ZC3H7B: variants seen among roughly 807,000 people sequenced by gnomAD.
ZC3H7B encodes the protein zinc finger CCCH domain-containing protein 7B.
Under a neutral mutation model 116.0 loss-of-function variants are expected in ZC3H7B, and 35 were observed. The ratio of observed to expected loss-of-function variants is 0.30; its 90% CI spans 0.23 to 0.40. ZC3H7B has a LOEUF of 0.40. Among genes scored for constraint, ZC3H7B ranks in the 10% least tolerant of loss-of-function variants. The pLI is 1.00. For missense variants in ZC3H7B, 1,011 were observed against 1,321.5 expected (o/e 0.77, Z 3.64); for synonymous variants, 502 against 545.6 (o/e 0.92, Z 1.11).
Position 41,356,447 on chromosome 22 carries a change from C to T in ZC3H7B, c.2488C>T (p.Gln830Ter), listed in dbSNP as rs1454344011. 2 of 1,614,044 alleles carry T rather than the reference C, an allele frequency of 1.2e-6. No individual in the cohort carries two copies. The highest frequency in any genetic ancestry group is 1.7e-6 in the Non-Finnish European group (2 of 1,180,054). ...ISSREGEKQI[Q>*]MPTDYADIMM... ...TTCTCGGGAAGGGGAGAAGCAGATCCAGATGCCCACGGACTACGCGGACAT... is the reference window on the plus strand; with the variant it reads ...TTCTCGGGAAGGGGAGAAGCAGATCTAGATGCCCACGGACTACGCGGACAT... The change falls in exon 21 of 23, where the codon CAG becomes TAG. Residue 830 changes from glutamine (Q) to a stop codon, truncating the protein, a stop_gained. Coordinates refer to ENST00000352645, the MANE Select transcript of ZC3H7B (RefSeq NM_017590.6). LOFTEE classifies it high-confidence loss of function.
intron 18 of ZC3H7B, 54 bp from the exon 19 acceptor site, chr22:41,355,703 A>G (rs1401974035): frequency 6.2e-7 from 1 of 1,612,300 alleles, no homozygotes; most frequent in Non-Finnish European, 8.5e-7. Context: ...CACAGAGGTC[A>G]CACAGCACAC....
At position 41,357,564 on chromosome 22, in the gene ZC3H7B, C is replaced by A. The variant is rs1227788745; in HGVS notation, c.*135C>A. ...AGGCAGCCCCCAGCCCCCTGAGGCC[C>A]TGTCCATCTTCTCCCCACCACCGCC... On this transcript the variant is annotated 3_prime_UTR_variant, in exon 23 of 23. Coordinates refer to ENST00000352645, the MANE Select transcript of ZC3H7B (RefSeq NM_017590.6). This position sits in a 1 kb window ranked among gnomAD's most constrained non-coding sequence, Gnocchi z 5.4. The A allele has an allele frequency of 1.1e-5, 12 of 1,079,826 alleles. No individual in the cohort carries two copies. The highest frequency in any genetic ancestry group is 1.4e-5 in the Non-Finnish European group (11 of 782,536). 66.9% of individuals were successfully genotyped at this position (1,079,826 alleles called of 1,614,324 possible).
intron 13 of ZC3H7B, among the ~76,000 whole-genome samples, chr22:41,345,761 C>A (rs1266731203): frequency 6.6e-6 from 1 of 152,116 alleles, no homozygotes; most frequent in African/African-American, 2.4e-5. Flanking sequence ...GGGGGTGCAG[C>A]AGACCCTGCC....
At chr22:41,331,825 T>C (rs888944849) in intron 6 of ZC3H7B, among the ~76,000 whole-genome samples, 1 of 152,080 alleles carries the variant, frequency 6.6e-6, no homozygotes, top group Admixed American at 6.6e-5. Context: ...GAGCCGAGAT[T>C]GCATCCAGCC....
chr22:41,351,499 C>A lies in ZC3H7B; in HGVS notation c.1949-62C>A. The stretch of plus-strand genomic sequence containing the variant: ...GGGGGTCCCTGGCACCTCGTGGACC[C>A]CCTGCCTCCCTCCTTGCTGAGCACC... On this transcript the variant is annotated intron_variant, in intron 16 of 22. Coordinates refer to ENST00000352645, the MANE Select transcript of ZC3H7B (RefSeq NM_017590.6). The surrounding 1 kb of genome is among the most constrained non-coding windows in gnomAD (Gnocchi z 5.1). 1 of 1,507,188 alleles carries A rather than the reference C, an allele frequency of 6.6e-7. No individual in the cohort carries two copies. The highest frequency in any genetic ancestry group is 9.0e-7 in the Non-Finnish European group (1 of 1,107,580). 93.4% of individuals were successfully genotyped at this position (1,507,188 alleles called of 1,614,324 possible). A position where few individuals can be genotyped will look rare whatever the true frequency, so the allele number is the denominator to read the frequency against.
chr22:41,353,144 G>T (rs2036674493), intron 17 of ZC3H7B, among the ~76,000 whole-genome samples: 1 of 152,088 alleles, frequency 6.6e-6, no homozygotes. Context: ...AAATATCCCA[G>T]TACTGCTCGG....
chr22:41,322,227 G>T (rs2036267029), intron 2 of ZC3H7B, among the ~76,000 whole-genome samples: 1 of 151,312 alleles, frequency 6.6e-6, no homozygotes, highest in Non-Finnish European at 1.5e-5. Context: ...TCTCACTCTT[G>T]TCCAGGCTGG....
Position 41,349,397 on chromosome 22 carries a change from C to T in ZC3H7B, c.1948+96C>T, listed in dbSNP as rs558790624. On this transcript the variant is annotated intron_variant, in intron 16 of 22. Coordinates refer to ENST00000352645, the MANE Select transcript of ZC3H7B (RefSeq NM_017590.6). The surrounding 1 kb of genome is among the most constrained non-coding windows in gnomAD (Gnocchi z 4.9). ...CGCAGGACTGACTGGGGTGACAGGC[C>T]AGGGCCCCATGGTCGCTGGAGGGGG... 5.0e-5 allele frequency: 75 copies of T among 1,512,096 alleles called. No homozygotes were observed. In the African/African-American group the frequency reaches 8.6e-4, roughly 17 times the overall value. 93.7% of individuals were successfully genotyped at this position (1,512,096 alleles called of 1,614,324 possible).
chr22:41,338,753 T>C lies in ZC3H7B; in HGVS notation c.626-248T>C, dbSNP rs5758302. 0.13 allele frequency among the ~76,000 whole-genome samples: 19,715 copies of C among 152,060 alleles called. 3,728 individuals carry two copies. Among genetic ancestry groups the C allele is most frequent in the East Asian group, 0.45 (2,293 of 5,144 alleles). ...GAAGGAGGCAGCAGTGGTGGACATT[T>C]AGGCATTGAGCCTGGGCCAAGGATT... On this transcript the variant is annotated intron_variant, in intron 8 of 22. Transcript: ENST00000352645. This position sits in a 1 kb window ranked among gnomAD's most constrained non-coding sequence, Gnocchi z 4.5.
At chr22:41,311,442 G>C (rs1223910827) in intron 1 of ZC3H7B, among the ~76,000 whole-genome samples, 2 of 152,084 alleles carry the variant, frequency 1.3e-5, no homozygotes, top group Non-Finnish European at 2.9e-5. Context: ...ACCCAATCCA[G>C]CTGAGATGGC....
At position 41,355,515 on chromosome 22, in the gene ZC3H7B, A is replaced by C; in HGVS notation, c.2081A>C (p.Lys694Thr). The change falls in exon 18 of 23, where the codon AAG (lysine) becomes ACG (threonine). Residue 694 changes from lysine to threonine, a missense_variant. Lys to Thr is a moderately conservative substitution (Grantham distance 78). Coordinates refer to ENST00000352645, the MANE Select transcript of ZC3H7B (RefSeq NM_017590.6). Reference sequence around the variant, plus strand: ...CCCAGCACCTTTGACCTGCAGATGAAGTTTGTATGTGGCCAGTGCTGGAGA... The same window carrying C: ...CCCAGCACCTTTGACCTGCAGATGACGTTTGTATGTGGCCAGTGCTGGAGA... ...HGPSTFDLQM[K>T]FVCGQCWRNG... The C allele has an allele frequency of 3.7e-6, 6 of 1,614,070 alleles. No individual in the cohort carries two copies. The highest frequency in any genetic ancestry group is 5.1e-6 in the Non-Finnish European group (6 of 1,180,004).
intron 1 of ZC3H7B, among the ~76,000 whole-genome samples, chr22:41,317,960 C>T (rs1044039838): frequency 1.3e-5 from 2 of 152,170 alleles, no homozygotes; most frequent in African/African-American, 2.4e-5. Flanking sequence ...CTTTCCTAGC[C>T]TCTTGGAGTA....
chr22:41,343,669 CAG>C, intron 13 of ZC3H7B, 93 bp downstream of exon 13: 3 of 1,424,682 alleles, frequency 2.1e-6, no homozygotes, highest in South Asian at 3.2e-5. Flanking sequence ...GTAGACAGAA[CAG>C]GGGTGGGCCT....
chr22:41,332,591 T>G, intron 7 of ZC3H7B: 1 of 222,200 alleles, frequency 4.5e-6, no homozygotes, highest in African/African-American at 2.3e-5. Context: ...TGTCTTCCTC[T>G]TCCCCACCCT....
chr22:41,303,212 G>C (rs2035996837), intron 1 of ZC3H7B, among the ~76,000 whole-genome samples: 1 of 152,222 alleles, frequency 6.6e-6, no homozygotes, highest in South Asian at 2.1e-4. Flanking sequence ...GAGCATGTTT[G>C]AGAAGTGGGG....
At chr22:41,320,743 G>T in intron 2 of ZC3H7B, 30 bp downstream of exon 2, 2 of 1,613,030 alleles carry the variant, frequency 1.2e-6, no homozygotes, top group East Asian at 2.2e-5. Flanking sequence ...GGGCTGGACG[G>T]CTGGGTGGGC....
intron 1 of ZC3H7B, among the ~76,000 whole-genome samples, chr22:41,319,197 C>G (rs370799806): frequency 6.6e-6 from 1 of 152,024 alleles, no homozygotes; most frequent in South Asian, 2.1e-4. Flanking sequence ...GTCAGGCGAT[C>G]GAGACCATCC....
At chr22:41,320,764 T>A in intron 2 of ZC3H7B, 51 bp downstream of exon 2, 2 of 1,598,802 alleles carry the variant, frequency 1.3e-6, no homozygotes, top group Non-Finnish European at 1.7e-6. Flanking sequence ...AAGGGTGGGT[T>A]CTCTGAGAGC....
chr22:41,303,195 T>G (rs1225626555), intron 1 of ZC3H7B, among the ~76,000 whole-genome samples: 1 of 152,056 alleles, frequency 6.6e-6, no homozygotes, highest in Non-Finnish European at 1.5e-5. Context: ...TGGTCAACAG[T>G]TGGATGGAGC....
Sources: gnomAD v4.1 joint callset for allele counts (sites outside exome capture counted in the v4.1 genomes callset) on GRCh38, gnomAD v4.1.1 for gene constraint, Gnocchi (gnomAD v3.1) non-coding constraint, MANE v1.5 for transcripts, NCBI Gene and HGNC (gene_info 2026-07-23, HGNC 2026-07-21) for gene names.